Variants in CSMD1 observed in about 807,000 individuals in gnomAD.
CSMD1 encodes CUB and Sushi multiple domains 1.
Under a neutral mutation model 417.5 loss-of-function variants are expected in CSMD1, and 213 were observed. The ratio of observed to expected loss-of-function variants is 0.51; its 90% CI spans 0.46 to 0.57. CSMD1 has a LOEUF of 0.57. CSMD1 is among the 20% of genes least tolerant of loss of function. The probability of loss-of-function intolerance (pLI) is 0.00; values close to 1 mark genes in which losing one functional copy is unlikely to be tolerated. For missense variants in CSMD1, 6,923 were observed against 4,529.7 expected, an observed-to-expected ratio of 1.53 and a Z score of -15.17; for synonymous variants, 2,862 against 1,736.8, an observed-to-expected ratio of 1.65 and a Z score of -16.11.
chr8:4,652,642 C>A (rs150126086), intron 1 of CSMD1, among the ~76,000 whole-genome samples: 1 of 152,006 alleles, frequency 6.6e-6, no homozygotes, highest in African/African-American at 2.4e-5. Context: ...CAGAGAGAGA[C>A]TCTGTCTCAA....
At chr8:3,659,395 G>C (rs1164323510) in intron 7 of CSMD1, among the ~76,000 whole-genome samples, 1 of 152,162 alleles carries the variant, frequency 6.6e-6, no homozygotes, top group Admixed American at 6.5e-5. Flanking sequence ...CTTAGACACA[G>C]GTAACGGGTC....
At chr8:4,295,433 G>A (rs1301952324) in intron 3 of CSMD1, among the ~76,000 whole-genome samples, 9 of 141,448 alleles carry the variant, frequency 6.4e-5, no homozygotes, top group East Asian at 2.2e-4. Flanking sequence ...ATAATCTTAA[G>A]ATATATATAA....
At chr8:3,170,267 GT>G (rs1353212076) in intron 37 of CSMD1, among the ~76,000 whole-genome samples, 3 of 152,176 alleles carry the variant, frequency 2.0e-5, no homozygotes, top group Non-Finnish European at 4.4e-5. Context: ...GAGTGCAGTG[GT>G]GTGATCTTGG....
At chr8:4,482,123 G>C (rs778055254) in intron 2 of CSMD1, among the ~76,000 whole-genome samples, 1 of 152,256 alleles carries the variant, frequency 6.6e-6, no homozygotes, top group African/African-American at 2.4e-5. Context: ...TTTAAGTTCA[G>C]GGGTACATGA....
chr8:3,680,800 G>C (rs941020141), intron 7 of CSMD1, among the ~76,000 whole-genome samples: 1 of 152,058 alleles, frequency 6.6e-6, no homozygotes. Flanking sequence ...TAAAATACTG[G>C]CAAACCGAAC....
intron 10 of CSMD1, among the ~76,000 whole-genome samples, chr8:3,508,884 T>G (rs1049621013): frequency 6.6e-6 from 1 of 152,176 alleles, no homozygotes; most frequent in Non-Finnish European, 1.5e-5. Context: ...GTTAGAGCCA[T>G]GAGACAGGAA....
At chr8:3,653,666 C>T (rs561488733) in intron 7 of CSMD1, among the ~76,000 whole-genome samples, 1 of 152,094 alleles carries the variant, frequency 6.6e-6, no homozygotes, top group Non-Finnish European at 1.5e-5. Flanking sequence ...TAAGGGCCAG[C>T]TTTTTACAGC....
At chr8:3,591,522 T>C (rs531430624) in intron 8 of CSMD1, among the ~76,000 whole-genome samples, 5 of 152,310 alleles carry the variant, frequency 3.3e-5, no homozygotes, top group African/African-American at 9.6e-5. Flanking sequence ...ACTCGAAGAT[T>C]AAACTAATGT....
chr8:4,128,849 T>G (rs990774155), intron 3 of CSMD1, among the ~76,000 whole-genome samples: 3 of 152,092 alleles, frequency 2.0e-5, no homozygotes, highest in African/African-American at 7.2e-5. Flanking sequence ...TATTGGTAAG[T>G]GTTACAGGCT....
chr8:4,354,849 T>TA (rs35936371), intron 3 of CSMD1, among the ~76,000 whole-genome samples: 7,975 of 144,678 alleles, frequency 0.055, 248 homozygotes, highest in South Asian at 0.098. Flanking sequence ...AGAGGGCAGG[T>TA]AAATGAGGAA....
At chr8:4,577,185 C>T (rs892974398) in intron 2 of CSMD1, among the ~76,000 whole-genome samples, 14 of 152,056 alleles carry the variant, frequency 9.2e-5, no homozygotes, top group East Asian at 3.9e-4. Context: ...TTTATTGAAG[C>T]GAGATTTTCT....
At chr8:3,868,995 C>G (rs116398023) in intron 5 of CSMD1, among the ~76,000 whole-genome samples, 2 of 152,216 alleles carry the variant, frequency 1.3e-5, no homozygotes, top group Non-Finnish European at 2.9e-5. Flanking sequence ...ATGCCGATGG[C>G]TTTCCAGCTC....
At chr8:4,014,806 T>C (rs1403874153) in intron 4 of CSMD1, among the ~76,000 whole-genome samples, 1 of 152,204 alleles carries the variant, frequency 6.6e-6, no homozygotes, top group Non-Finnish European at 1.5e-5. Context: ...CATTCATCTT[T>C]ACAGCTCTAT....
chr8:3,877,960 C>A (rs1349634508), intron 5 of CSMD1, among the ~76,000 whole-genome samples: 9 of 151,374 alleles, frequency 5.9e-5, no homozygotes, highest in Non-Finnish European at 7.4e-5. Context: ...CAAGGTCATG[C>A]AAAGTTTTTT....
chr8:4,812,106 G>C (rs1364010227), intron 1 of CSMD1, among the ~76,000 whole-genome samples: 3 of 152,150 alleles, frequency 2.0e-5, no homozygotes, highest in Admixed American at 6.5e-5. Flanking sequence ...AGCTGGACAG[G>C]AGTCTCAGGA....
At chr8:4,284,918 G>A (rs1796979802) in intron 3 of CSMD1, among the ~76,000 whole-genome samples, 1 of 152,100 alleles carries the variant, frequency 6.6e-6, no homozygotes, top group Non-Finnish European at 1.5e-5. Flanking sequence ...TCAGTTTCAG[G>A]ATGCACCAGT....
chr8:3,282,402 G>A (rs575378330), intron 26 of CSMD1, among the ~76,000 whole-genome samples: 98 of 152,234 alleles, frequency 6.4e-4, no homozygotes, highest in Middle Eastern at 3.4e-3. Flanking sequence ...AATGCCTGGA[G>A]AATACAGAAT....
intron 3 of CSMD1, among the ~76,000 whole-genome samples, chr8:4,125,417 T>A (rs1240689145): frequency 1.3e-5 from 2 of 152,192 alleles, no homozygotes; most frequent in Non-Finnish European, 2.9e-5. Flanking sequence ...ACGAAACCAA[T>A]GCACATCTTT....
intron 13 of CSMD1, 132 bp from the exon 14 acceptor site, chr8:3,408,357 A>T: frequency 1.5e-6 from 1 of 653,970 alleles, no homozygotes; most frequent in Non-Finnish European, 2.6e-6. Context: ...CTATTTTAAT[A>T]TAAGTAATTC....
Sources: gnomAD v4.1 joint callset for allele counts (sites outside exome capture counted in the v4.1 genomes callset) on GRCh38, gnomAD v4.1.1 for gene constraint, MANE v1.5 for transcripts, NCBI Gene and HGNC (gene_info 2026-07-23, HGNC 2026-07-21) for gene names.